TESK2: variants seen among roughly 807,000 people sequenced by gnomAD.
The protein encoded by TESK2 is testis associated actin remodelling kinase 2.
Under a neutral mutation model 57.1 loss-of-function variants are expected in TESK2, and 39 were observed. That is an observed-to-expected ratio of 0.68 (90% CI 0.53 to 0.89). The LOEUF is 0.89. Ranked by LOEUF, TESK2 falls within the 40% of genes least tolerant of loss-of-function variation. The pLI, the probability that TESK2 is intolerant of heterozygous loss-of-function variation, is 0.00. For synonymous variants in TESK2, 249 were observed against 267.9 expected (o/e 0.93, Z 0.69); for missense variants, 646 against 732.1 (o/e 0.88, Z 1.36).
At chr1:45,452,541 T>C (rs767264864) in intron 2 of TESK2, among the ~76,000 whole-genome samples, 8 of 151,744 alleles carry the variant, frequency 5.3e-5, no homozygotes, top group Non-Finnish European at 1.0e-4. Context: ...AATTAACAAG[T>C]CAGGAAGTTG....
intron 1 of TESK2, among the ~76,000 whole-genome samples, chr1:45,490,051 T>G (rs1653654931): frequency 6.6e-6 from 1 of 152,222 alleles, no homozygotes; most frequent in Admixed American, 6.5e-5. Flanking sequence ...CCCGCCTGGA[T>G]GAGCACACTC....
At chr1:45,362,853 A>G (rs1206541276) in intron 4 of TESK2, among the ~76,000 whole-genome samples, 1 of 152,158 alleles carries the variant, frequency 6.6e-6, no homozygotes, top group Non-Finnish European at 1.5e-5. Context: ...TCTAGCCTAG[A>G]TGGTCTAGTA....
chr1:45,396,884 T>A lies in TESK2; in HGVS notation c.345-10924A>T, dbSNP rs371505024. On this transcript the variant is annotated intron_variant, in intron 3 of 10. Coordinates refer to ENST00000372086, the MANE Select transcript of TESK2 (RefSeq NM_007170.3). ...CCCAGGCTGGAGTGCAGTGGCACAA[T>A]CTTGGCTCACTGCAACCTCCACCTC... Among the ~76,000 whole-genome samples the A allele has an allele frequency of 6.0e-5, 8 of 133,902 alleles. No homozygotes were observed. In the East Asian group the frequency reaches 1.5e-3, roughly 26 times the overall value. 87.8% of individuals were successfully genotyped at this position (133,902 alleles called of 152,430 possible). A position where few individuals can be genotyped will look rare whatever the true frequency, so the allele number is the denominator to read the frequency against.
chr1:45,386,377 T>TA (rs77826408), intron 3 of TESK2, among the ~76,000 whole-genome samples: 6,214 of 58,046 alleles, frequency 0.11, 667 homozygotes, highest in African/African-American at 0.31. Context: ...AGACTGCATC[T>TA]AAAAAAAAAA....
At position 45,347,041 on chromosome 1, in the gene TESK2, T is replaced by A; in HGVS notation, c.730A>T (p.Ile244Phe). The A allele has an allele frequency of 6.2e-7, 1 of 1,614,198 alleles. No homozygotes were observed. Among genetic ancestry groups the A allele is most frequent in the Non-Finnish European group, 8.5e-7 (1 of 1,180,028 alleles). Residue 244 changes from isoleucine to phenylalanine, a missense_variant, in exon 8 of 11, where the codon ATC (isoleucine) becomes TTC (phenylalanine). Ile to Phe is a conservative substitution (Grantham distance 21). Coordinates refer to ENST00000372086, the MANE Select transcript of TESK2 (RefSeq NM_007170.3). Reference sequence around the variant, plus strand: ...CGGGCGATGATCTCGCAGAGGATGATACCATAAGAGAACACATCTGCCTGG... The same window carrying A: ...CGGGCGATGATCTCGCAGAGGATGAAACCATAAGAGAACACATCTGCCTGG... ...NEKADVFSYGIILCEIIARIQ... is the reference protein window; with the variant it reads ...NEKADVFSYGFILCEIIARIQ...
At chr1:45,386,054 A>G in intron 3 of TESK2, 94 bp from the exon 4 acceptor site, 1 of 916,714 alleles carries the variant, frequency 1.1e-6, no homozygotes, top group Non-Finnish European at 1.7e-6. Flanking sequence ...CATTAGAAAC[A>G]ACCTGTGGGG....
At chr1:45,464,020 G>A (rs1020818680) in intron 1 of TESK2, among the ~76,000 whole-genome samples, 1 of 152,074 alleles carries the variant, frequency 6.6e-6, no homozygotes, top group Non-Finnish European at 1.5e-5. Context: ...GCTGTTCTAG[G>A]TCTTTTGTGG....
rs550358487 is a variant in TESK2, at chr1:45,372,303, C to T, written c.393+13609G>A. Among the ~76,000 whole-genome samples, 8 of 151,424 alleles carry T rather than the reference C, an allele frequency of 5.3e-5. No homozygotes were observed. The South Asian group carries it at 1.7e-3, about 32-fold the overall frequency. ...AGATGAAAAAGATCTGGCAGCCAGG[C>T]ACAGTGGCTCAAGCCTGTAATCCCA... On this transcript the variant is annotated intron_variant, in intron 4 of 10. Coordinates refer to ENST00000372086, the MANE Select transcript of TESK2 (RefSeq NM_007170.3).
At chr1:45,412,524 T>A (rs2149283949) in intron 3 of TESK2, among the ~76,000 whole-genome samples, 1 of 152,310 alleles carries the variant, frequency 6.6e-6, no homozygotes, top group Non-Finnish European at 1.5e-5. Context: ...AATTTACTTC[T>A]TAAGGAGACT....
intron 4 of TESK2, among the ~76,000 whole-genome samples, chr1:45,363,145 G>A (rs1647763733): frequency 6.6e-6 from 1 of 152,150 alleles, no homozygotes; most frequent in Non-Finnish European, 1.5e-5. Context: ...TAAATACAAA[G>A]TCAGTCCAGT....
chr1:45,355,439 G>A lies in TESK2; in HGVS notation c.404C>T (p.Ser135Phe), dbSNP rs371472272. 3.0e-5 allele frequency: 48 copies of A among 1,608,368 alleles called. No homozygotes were observed. Among genetic ancestry groups the A allele is most frequent in the Non-Finnish European group, 3.8e-5 (45 of 1,178,262 alleles). Reference sequence around the variant, plus strand: ...GTCTAGCAACTGTTCCAGGTTCCCGGAGTTGATATACTGCAAAACAGAAGG... The same window carrying A: ...GTCTAGCAACTGTTCCAGGTTCCCGAAGTTGATATACTGCAAAACAGAAGG... Reference protein sequence around the residue: ...QLHALTEYINSGNLEQLLDSN... With the variant: ...QLHALTEYINFGNLEQLLDSN... The change falls in exon 5 of 11, where the codon TCC becomes TTC. Residue 135 changes from serine to phenylalanine, a missense_variant. By Grantham distance (155) the Ser-to-Phe change is radical (BLOSUM62 -2). Transcript: ENST00000372086.
intron 4 of TESK2, among the ~76,000 whole-genome samples, chr1:45,357,675 C>T (rs375696400): frequency 9.9e-5 from 15 of 151,240 alleles, no homozygotes; most frequent in African/African-American, 3.4e-4. Context: ...GGCAAAATCC[C>T]GTCCCTACAA....
At position 45,384,381 on chromosome 1, in the gene TESK2, ATCTATCTG is replaced by A. The variant is rs1330536691; in HGVS notation, c.393+1523_393+1530del. Among the ~76,000 whole-genome samples, 19 of 134,672 alleles carry A rather than the reference ATCTATCTG, an allele frequency of 1.4e-4. No homozygotes were observed. In the South Asian group the frequency reaches 1.4e-3, roughly 10 times the overall value. 88.4% of individuals were successfully genotyped at this position (134,672 alleles called of 152,430 possible). On this transcript the variant is annotated intron_variant, in intron 4 of 10. Coordinates refer to ENST00000372086, the MANE Select transcript of TESK2 (RefSeq NM_007170.3). ...TACGTACGTATCTATCTATCTATCT[ATCTATCTG>A]TCTATCTATCTATCTATCTATCTAT...
At chr1:45,401,599 A>C (rs1162854736) in intron 3 of TESK2, among the ~76,000 whole-genome samples, 1 of 151,998 alleles carries the variant, frequency 6.6e-6, no homozygotes, top group Non-Finnish European at 1.5e-5. Flanking sequence ...TTGCTTTATA[A>C]ATATATTACC....
intron 1 of TESK2, among the ~76,000 whole-genome samples, chr1:45,487,886 T>C (rs2149310521): frequency 6.6e-6 from 1 of 152,158 alleles, no homozygotes; most frequent in East Asian, 1.9e-4. Flanking sequence ...TTCTAACTAG[T>C]AGGACCCTCA....
At chr1:45,486,827 A>ATT (rs1383856104) in intron 1 of TESK2, among the ~76,000 whole-genome samples, 2 of 141,308 alleles carry the variant, frequency 1.4e-5, no homozygotes, top group African/African-American at 5.3e-5. Context: ...ACATATATAC[A>ATT]TTTTTTTTTT....
At chr1:45,453,554 T>A (rs1423061193) in intron 2 of TESK2, among the ~76,000 whole-genome samples, 1 of 152,036 alleles carries the variant, frequency 6.6e-6, no homozygotes, top group Non-Finnish European at 1.5e-5. Context: ...AAATGATCAA[T>A]AACCTAAATG....
At chr1:45,482,912 G>A (rs184928584) in intron 1 of TESK2, among the ~76,000 whole-genome samples, 217 of 150,932 alleles carry the variant, frequency 1.4e-3, no homozygotes, top group Non-Finnish European at 2.6e-3. Flanking sequence ...CCCAGGAGGT[G>A]GAGGTTGCAG....
intron 1 of TESK2, among the ~76,000 whole-genome samples, chr1:45,463,216 G>T (rs139665512): frequency 1.3e-5 from 2 of 152,180 alleles, no homozygotes; most frequent in Non-Finnish European, 2.9e-5. Context: ...TTCATTTTCT[G>T]TGCAGAAGCT....
Sources: gnomAD v4.1 joint callset for allele counts (sites outside exome capture counted in the v4.1 genomes callset) on GRCh38, gnomAD v4.1.1 for gene constraint, MANE v1.5 for transcripts, NCBI Gene and HGNC (gene_info 2026-07-23, HGNC 2026-07-21) for gene names.